NHSL1: variants seen among roughly 807,000 people sequenced by gnomAD.
NHSL1 encodes NHS-like protein 1.
Under a neutral mutation model 95.0 loss-of-function variants are expected in NHSL1, and 48 were observed. The observed-to-expected ratio is 0.51, with a 90% CI of 0.40 to 0.64. NHSL1 has a LOEUF of 0.64. Among genes scored for constraint, NHSL1 ranks in the 30% least tolerant of loss-of-function variants. The pLI is 0.00. For missense variants in NHSL1, 1,971 were observed against 2,077.7 expected, an observed-to-expected ratio of 0.95 and a Z score of 1.00; for synonymous variants, 783 against 833.9, an observed-to-expected ratio of 0.94 and a Z score of 1.05.
At chr6:138,683,101 A>G (rs1212654702) in intron 1 of NHSL1, among the ~76,000 whole-genome samples, 1 of 152,128 alleles carries the variant, frequency 6.6e-6, no homozygotes, top group Non-Finnish European at 1.5e-5. Context: ...GCTCTGTGAA[A>G]GCAAGCCCAT....
chr6:138,440,276 T>A (rs930988216), intron 5 of NHSL1, among the ~76,000 whole-genome samples: 7 of 152,178 alleles, frequency 4.6e-5, no homozygotes, highest in African/African-American at 1.7e-4. Context: ...TAGTTAGCTG[T>A]CACTTCAAGA....
At chr6:138,481,249 T>C (rs58927523) in intron 2 of NHSL1, among the ~76,000 whole-genome samples, 23,485 of 152,130 alleles carry the variant, frequency 0.15, 1,827 homozygotes, top group African/African-American at 0.17. Context: ...GAGAACTTAT[T>C]TTCTTAATGA....
chr6:138,556,243 C>A (rs2128336749), intron 1 of NHSL1, among the ~76,000 whole-genome samples: 1 of 152,166 alleles, frequency 6.6e-6, no homozygotes, highest in African/African-American at 2.4e-5. Context: ...AAAAGAAAGA[C>A]ATCTTTAAAA....
intron 2 of NHSL1, among the ~76,000 whole-genome samples, chr6:138,482,898 G>C (rs1779512390): frequency 6.6e-6 from 1 of 152,148 alleles, no homozygotes; most frequent in Non-Finnish European, 1.5e-5. Context: ...ACAGAGCAGT[G>C]GCATCCCAAA....
chr6:138,435,713 T>G lies in NHSL1; in HGVS notation c.665-2033A>C, dbSNP rs11963623. Among the ~76,000 whole-genome samples, 1,389 of 143,730 alleles carry G rather than the reference T, an allele frequency of 9.7e-3. 18 individuals are homozygous for G. Among genetic ancestry groups the G allele is most frequent in the African/African-American group, 0.033 (1,308 of 39,378 alleles). 94.3% of individuals were successfully genotyped at this position (143,730 alleles called of 152,430 possible). On this transcript the variant is annotated intron_variant, in intron 5 of 7. Coordinates refer to ENST00000343505, the MANE Select transcript of NHSL1 (RefSeq NM_001144060.2). Reference sequence around the variant, plus strand: ...TATTGTGCATTGCAGATAACTGGGGTTTTTTTTTTTGTTTTTTTGTTTTTG... The same window carrying G: ...TATTGTGCATTGCAGATAACTGGGGGTTTTTTTTTTGTTTTTTTGTTTTTG...
chr6:138,650,535 C>T, intron 1 of NHSL1: 2 of 604,388 alleles, frequency 3.3e-6, no homozygotes. Context: ...GTTACAGCCT[C>T]ACAAGAAAAC....
chr6:138,435,865 C>T (rs1416778295), intron 5 of NHSL1, among the ~76,000 whole-genome samples: 1 of 151,872 alleles, frequency 6.6e-6, no homozygotes, highest in Non-Finnish European at 1.5e-5. Flanking sequence ...ATATTTCAAA[C>T]TTTTTCATTA....
chr6:138,635,831 A>G (rs1784880122), intron 1 of NHSL1, among the ~76,000 whole-genome samples: 1 of 151,910 alleles, frequency 6.6e-6, no homozygotes, highest in African/African-American at 2.4e-5. Flanking sequence ...AATACATTAG[A>G]GGCCAGGCAC....
intron 1 of NHSL1, among the ~76,000 whole-genome samples, chr6:138,644,638 A>C (rs1038503433): frequency 6.6e-6 from 1 of 152,236 alleles, no homozygotes; most frequent in Non-Finnish European, 1.5e-5. Context: ...CTGTGTTATT[A>C]ATACTGTTAT....
At chr6:138,512,851 G>A (rs1242155137) in intron 1 of NHSL1, among the ~76,000 whole-genome samples, 3 of 152,142 alleles carry the variant, frequency 2.0e-5, no homozygotes, top group South Asian at 2.1e-4. Context: ...AGGAGGAATC[G>A]CTAATTCCCC....
At chr6:138,656,186 C>A (rs1785154194) in intron 1 of NHSL1, among the ~76,000 whole-genome samples, 1 of 152,190 alleles carries the variant, frequency 6.6e-6, no homozygotes, top group East Asian at 1.9e-4. Flanking sequence ...GAATCTTTGG[C>A]ACTGTGTTTC....
At chr6:138,601,066 G>T (rs1430944544) in intron 1 of NHSL1, among the ~76,000 whole-genome samples, 2 of 152,052 alleles carry the variant, frequency 1.3e-5, no homozygotes, top group Non-Finnish European at 2.9e-5. Context: ...ACTTTTTAAG[G>T]TACTAAATGT....
At chr6:138,459,526 C>T (rs965253447) in intron 3 of NHSL1, among the ~76,000 whole-genome samples, 2 of 152,072 alleles carry the variant, frequency 1.3e-5, no homozygotes, top group African/African-American at 2.4e-5. Context: ...AAGACTTAAC[C>T]ATGAACAAAG....
intron 1 of NHSL1, among the ~76,000 whole-genome samples, chr6:138,675,089 C>T (rs1785431713): frequency 6.6e-6 from 1 of 151,730 alleles, no homozygotes; most frequent in South Asian, 2.1e-4. Flanking sequence ...AAAAGAGGCA[C>T]TACAAACAGC....
intron 1 of NHSL1, among the ~76,000 whole-genome samples, chr6:138,511,588 C>G (rs1781233079): frequency 6.6e-6 from 1 of 152,054 alleles, no homozygotes. Context: ...CGCCCAGCCA[C>G]TATAAGAATT....
chr6:138,429,105 C>T (rs1046464346), intron 7 of NHSL1, among the ~76,000 whole-genome samples: 4 of 152,098 alleles, frequency 2.6e-5, no homozygotes, highest in Admixed American at 1.3e-4. Flanking sequence ...GAAAATTTTA[C>T]CCTTTTTGTT....
upstream of NHSL1, among the ~76,000 whole-genome samples, chr6:138,546,427 C>CAAAAAAAAAAAAAA (rs1177720465): frequency 1.6e-4 from 8 of 50,920 alleles, 1 homozygote; most frequent in African/African-American, 5.0e-4. Flanking sequence ...CCCATCTCTA[C>CAAAAAAAAAAAAAA]AAAAAAAAAA....
At chr6:138,654,501 A>C (rs1229617613) in intron 1 of NHSL1, among the ~76,000 whole-genome samples, 1 of 152,218 alleles carries the variant, frequency 6.6e-6, no homozygotes. Context: ...GAAAATACTT[A>C]AGGTACAATC....
chr6:138,680,949 ATCATC>A (rs1228998848), intron 1 of NHSL1, among the ~76,000 whole-genome samples: 1 of 152,224 alleles, frequency 6.6e-6, no homozygotes, highest in African/African-American at 2.4e-5. Context: ...GAAAGGCTTA[ATCATC>A]TCTTGGGAAG....
Sources: gnomAD v4.1 joint callset for allele counts (sites outside exome capture counted in the v4.1 genomes callset) on GRCh38, gnomAD v4.1.1 for gene constraint, MANE v1.5 for transcripts, NCBI Gene and HGNC (gene_info 2026-07-23, HGNC 2026-07-21) for gene names.